Variants in LRRC28 observed in about 807,000 individuals in gnomAD.
The protein encoded by LRRC28 is leucine-rich repeat-containing protein 28.
In LRRC28, 39 loss-of-function variants were observed where a neutral mutation model predicts 45.7. That is an observed-to-expected ratio of 0.85 (90% CI 0.66 to 1.12). The LOEUF is 1.12. LRRC28 is among the 50% of genes most tolerant of loss of function. The pLI is 0.00. For synonymous variants in LRRC28, 206 were observed against 178.8 expected, an observed-to-expected ratio of 1.15 and a Z score of -1.22; for missense variants, 435 against 438.5, an observed-to-expected ratio of 0.99 and a Z score of 0.07.
chr15:99,260,409 C>T (rs2081162297), intron 2 of LRRC28, among the ~76,000 whole-genome samples: 2 of 152,016 alleles, frequency 1.3e-5, no homozygotes, highest in African/African-American at 4.8e-5. Context: ...ATTTTATTTC[C>T]CTGCAACCTT....
chr15:99,262,314 G>A (rs2081220487), intron 2 of LRRC28, among the ~76,000 whole-genome samples: 1 of 152,122 alleles, frequency 6.6e-6, no homozygotes. Context: ...AGGCATGGTG[G>A]CTCATGCCTG....
At chr15:99,300,414 AATT>A (rs1309805988) in intron 5 of LRRC28, among the ~76,000 whole-genome samples, 2 of 152,138 alleles carry the variant, frequency 1.3e-5, no homozygotes, top group African/African-American at 4.8e-5. Flanking sequence ...TTAAAATTTT[AATT>A]ATTAAAATAT....
intron 2 of LRRC28, chr15:99,257,707 A>T: frequency 5.2e-6 from 4 of 768,648 alleles, no homozygotes; most frequent in South Asian, 1.3e-5. Flanking sequence ...GATGAAGTTG[A>T]TGTGGAAGGT....
Position 99,301,639 on chromosome 15 carries a change from C to T in LRRC28, c.385+13688C>T, listed in dbSNP as rs34731817. On this transcript the variant is annotated intron_variant, in intron 5 of 9. Transcript: ENST00000301981. ...TCTGATATTCATTCTACCATTAAAA[C>T]TCAACATTTTTAAATTTATACTAGC... 9.2e-3 allele frequency among the ~76,000 whole-genome samples: 1,398 copies of T among 152,224 alleles called. 11 individuals carry two copies. The highest frequency in any genetic ancestry group is 0.014 in the Admixed American group (219 of 15,288).
intron 3 of LRRC28, among the ~76,000 whole-genome samples, chr15:99,282,429 G>A (rs1376475262): frequency 6.6e-6 from 1 of 152,012 alleles, no homozygotes; most frequent in Admixed American, 6.6e-5. Flanking sequence ...GAAAATAATT[G>A]TTTCATGTAC....
In LRRC28 at chr15:99,377,099, A is replaced by G. The variant is rs199811658; in HGVS notation, c.1032-8931A>G. On this transcript the variant is annotated intron_variant, in intron 9 of 9. Transcript: ENST00000301981. ...TGGGTCAAATGGTATTTCTAGTTCT[A>G]GATCCTTGAGGAATTGCCACACTGA... Among the ~76,000 whole-genome samples, 9 of 152,186 alleles carry G rather than the reference A, an allele frequency of 5.9e-5. No individual in the cohort carries two copies. The East Asian group carries it at 1.7e-3, about 29-fold the overall frequency.
chr15:99,325,960 G>A (rs544666943), intron 5 of LRRC28, among the ~76,000 whole-genome samples: 1 of 152,244 alleles, frequency 6.6e-6, no homozygotes, highest in African/African-American at 2.4e-5. Flanking sequence ...AGAAGAAGAC[G>A]ACCAATGGGA....
At chr15:99,385,420 A>G (rs186241204) in intron 9 of LRRC28, among the ~76,000 whole-genome samples, 5 of 152,330 alleles carry the variant, frequency 3.3e-5, no homozygotes, top group Admixed American at 3.3e-4. Context: ...CAAGGCATCT[A>G]ATAGCTGGAG....
At chr15:99,333,413 C>T (rs1400804903) in intron 5 of LRRC28, among the ~76,000 whole-genome samples, 2 of 152,100 alleles carry the variant, frequency 1.3e-5, no homozygotes, top group Non-Finnish European at 2.9e-5. Flanking sequence ...CAATCTTTAC[C>T]ATGGTGAAAA....
At chr15:99,272,384 T>A (rs1461524371) in intron 2 of LRRC28, among the ~76,000 whole-genome samples, 1 of 152,240 alleles carries the variant, frequency 6.6e-6, no homozygotes, top group African/African-American at 2.4e-5. Flanking sequence ...TTAATTTCAC[T>A]GACCAAGCTA....
rs1014480798 is a variant in LRRC28, at chr15:99,333,977, T to C, written c.440T>C (p.Leu147Pro). 6.2e-7 allele frequency: 1 copy of C among 1,614,160 alleles called. No homozygotes were observed. The highest frequency in any genetic ancestry group is 8.5e-7 in the Non-Finnish European group (1 of 1,180,002). ...CTAGACATTTCTACCAATCGTTTGCTAACTTTACCCGAGAGGCTTCACATG... is the reference window on the plus strand; with the variant it reads ...CTAGACATTTCTACCAATCGTTTGCCAACTTTACCCGAGAGGCTTCACATG... ...QTLDISTNRL[L>P]TLPERLHMCL... Residue 147 changes from leucine to proline, a missense_variant, in exon 6 of 10, where the codon CTA becomes CCA. Coordinates refer to ENST00000301981, the MANE Select transcript of LRRC28 (RefSeq NM_144598.5).
chr15:99,335,227 C>G (rs1017112084), intron 6 of LRRC28, among the ~76,000 whole-genome samples: 3 of 152,168 alleles, frequency 2.0e-5, no homozygotes, highest in African/African-American at 7.2e-5. Flanking sequence ...TTATGGTGGT[C>G]AAGCACCAAA....
At chr15:99,257,226 T>G (rs1463938977) in intron 2 of LRRC28, among the ~76,000 whole-genome samples, 1 of 152,234 alleles carries the variant, frequency 6.6e-6, no homozygotes, top group African/African-American at 2.4e-5. Context: ...GAATGCCTAC[T>G]TATATTTCTG....
chr15:99,292,381 G>A (rs922046525), intron 5 of LRRC28, among the ~76,000 whole-genome samples: 16 of 117,268 alleles, frequency 1.4e-4, no homozygotes, highest in African/African-American at 3.1e-5. Flanking sequence ...TTTTTGAAAC[G>A]GAGTCTCGCT....
rs142007774 is a variant in LRRC28, at chr15:99,309,600, G to A, written c.385+21649G>A. ...ATTTTTGTATTTTTAGTAGAGACGC[G>A]GTTTCATCATGTTGGCCAGGCTGGT... On this transcript the variant is annotated intron_variant, in intron 5 of 9. Transcript: ENST00000301981. Among the ~76,000 whole-genome samples, 692 of 152,130 alleles carry A rather than the reference G, an allele frequency of 4.5e-3. 7 individuals carry two copies. The highest frequency in any genetic ancestry group is 0.016 in the African/African-American group (651 of 41,492).
At chr15:99,271,941 T>C (rs28622927) in intron 2 of LRRC28, among the ~76,000 whole-genome samples, 3,181 of 152,318 alleles carry the variant, frequency 0.021, 102 homozygotes, top group African/African-American at 0.072. Flanking sequence ...TTTGATGTAA[T>C]AGCTATGAAT....
intron 5 of LRRC28, among the ~76,000 whole-genome samples, chr15:99,327,083 AT>A (rs1039541289): frequency 2.0e-5 from 3 of 151,580 alleles, no homozygotes; most frequent in Non-Finnish European, 4.4e-5. Flanking sequence ...TTTTTTTTTA[AT>A]TTTTTTTGAG....
chr15:99,339,226 G>A (rs1252088123), intron 6 of LRRC28, among the ~76,000 whole-genome samples: 1 of 152,160 alleles, frequency 6.6e-6, no homozygotes, highest in Admixed American at 6.5e-5. Context: ...CAATTATCCA[G>A]GCGTGTTTAC....
chr15:99,345,841 G>C (rs541041033), intron 6 of LRRC28, among the ~76,000 whole-genome samples: 6 of 152,158 alleles, frequency 3.9e-5, no homozygotes, highest in Non-Finnish European at 8.8e-5. Flanking sequence ...TGAGGGACCA[G>C]GTACTGTTAC....
Sources: gnomAD v4.1 joint callset for allele counts (sites outside exome capture counted in the v4.1 genomes callset) on GRCh38, gnomAD v4.1.1 for gene constraint, MANE v1.5 for transcripts, NCBI Gene and HGNC (gene_info 2026-07-23, HGNC 2026-07-21) for gene names.